ADARB2: variants seen among roughly 807,000 people sequenced by gnomAD.
ADARB2 encodes the protein inactive double-stranded RNA-specific editase B2.
ADARB2 carries 25 observed loss-of-function variants against 62.2 expected under a neutral mutation model. The ratio of observed to expected loss-of-function variants is 0.40; its 90% CI spans 0.29 to 0.56. ADARB2 has a LOEUF of 0.56. Among genes scored for constraint, ADARB2 ranks in the 20% least tolerant of loss-of-function variants. The pLI is 0.43. For missense variants in ADARB2, 1,071 were observed against 1,077.4 expected (o/e 0.99, Z 0.08); for synonymous variants, 572 against 500.8 (o/e 1.14, Z -1.90).
intron 1 of ADARB2, among the ~76,000 whole-genome samples, chr10:1,572,024 TAG>T (rs1832945474): frequency 1.5e-5 from 2 of 133,348 alleles, no homozygotes; most frequent in African/African-American, 3.0e-5. Context: ...GAAAGGTGAG[TAG>T]GCAAGTGAGT....
At chr10:1,531,127 C>T (rs976978954) in intron 1 of ADARB2, among the ~76,000 whole-genome samples, 6 of 152,226 alleles carry the variant, frequency 3.9e-5, no homozygotes, top group African/African-American at 7.2e-5. Context: ...ATGTCCTGCC[C>T]GTGGGCCACC....
chr10:1,211,317 C>CTATA (rs1837148146), intron 7 of ADARB2, among the ~76,000 whole-genome samples: 1 of 152,064 alleles, frequency 6.6e-6, no homozygotes, highest in Non-Finnish European at 1.5e-5. Flanking sequence ...TCATCTTCAT[C>CTATA]TATCTGTCAT....
At chr10:1,600,418 T>G (rs1018785017) in intron 1 of ADARB2, among the ~76,000 whole-genome samples, 8 of 151,950 alleles carry the variant, frequency 5.3e-5, no homozygotes, top group Non-Finnish European at 1.2e-4. Context: ...CCCAACACTT[T>G]GGGAAGCTGA....
At chr10:1,483,738 C>T (rs1831506545) in intron 1 of ADARB2, among the ~76,000 whole-genome samples, 2 of 152,240 alleles carry the variant, frequency 1.3e-5, no homozygotes, top group South Asian at 4.1e-4. Context: ...TTTAAAAAGA[C>T]AGCACCTGCA....
intron 1 of ADARB2, among the ~76,000 whole-genome samples, chr10:1,435,508 T>C (rs1830826055): frequency 6.6e-6 from 1 of 152,190 alleles, no homozygotes; most frequent in South Asian, 2.1e-4. Flanking sequence ...AGGGGGCCTG[T>C]GTTCCTTCTG....
chr10:1,636,357 A>C (rs1354076087), intron 1 of ADARB2, among the ~76,000 whole-genome samples: 1 of 152,146 alleles, frequency 6.6e-6, no homozygotes, highest in Non-Finnish European at 1.5e-5. Context: ...TCTCTATAAA[A>C]AATATAAAAA....
At chr10:1,279,771 T>C (rs1831354087) in intron 3 of ADARB2, among the ~76,000 whole-genome samples, 1 of 152,200 alleles carries the variant, frequency 6.6e-6, no homozygotes, top group Non-Finnish European at 1.5e-5. Context: ...GAAAGGGACG[T>C]CTACTCCATG....
intron 1 of ADARB2, among the ~76,000 whole-genome samples, chr10:1,510,083 CTCTCTCTCTCTCT>C (rs1831904965): frequency 2.1e-5 from 3 of 140,834 alleles, no homozygotes; most frequent in Non-Finnish European, 4.6e-5. Context: ...CTTTCTCTTT[CTCTCTCTCTCTCT>C]TTTCTTTCTT....
chr10:1,379,023 C>T (rs1832458712), intron 2 of ADARB2, 51 bp downstream of exon 2: 1 of 1,525,606 alleles, frequency 6.6e-7, no homozygotes, highest in African/African-American at 1.4e-5. Flanking sequence ...GGGACCCCTG[C>T]ACAAAGGATA....
rs187139619 is a variant in ADARB2 at position 1,605,359 on chromosome 10, G to A, written c.100+131692C>T. Among the ~76,000 whole-genome samples, 3 of 152,292 alleles carry A rather than the reference G, an allele frequency of 2.0e-5. No individual in the cohort carries two copies. In the East Asian group the frequency reaches 5.8e-4, roughly 29 times the overall value. On this transcript the variant is annotated intron_variant, in intron 1 of 9. Coordinates refer to ENST00000381312, the MANE Select transcript of ADARB2 (RefSeq NM_018702.4). ...CTTACTGTGACAATGTCACCTTCCC[G>A]TCTCTCAGAGGCATTGCCCAGGGAG...
At chr10:1,265,475 C>T (rs533200605) in intron 4 of ADARB2, among the ~76,000 whole-genome samples, 6 of 152,254 alleles carry the variant, frequency 3.9e-5, no homozygotes, top group African/African-American at 7.2e-5. Context: ...GAGGGAACAA[C>T]GCTGAACTAC....
At chr10:1,690,811 C>T (rs754741357) in intron 1 of ADARB2, among the ~76,000 whole-genome samples, 48 of 152,210 alleles carry the variant, frequency 3.2e-4, no homozygotes, top group Non-Finnish European at 5.4e-4. Context: ...CACTGTCATT[C>T]GGCTTGGCCG....
intron 1 of ADARB2, among the ~76,000 whole-genome samples, chr10:1,392,591 C>T (rs150147010): frequency 2.0e-4 from 30 of 152,256 alleles, no homozygotes; most frequent in African/African-American, 5.3e-4. Flanking sequence ...GCAAGGAGTT[C>T]GTCTCACAGG....
chr10:1,533,033 C>T (rs931721642), intron 1 of ADARB2, among the ~76,000 whole-genome samples: 8 of 152,142 alleles, frequency 5.3e-5, no homozygotes, highest in Non-Finnish European at 8.8e-5. Flanking sequence ...CCTCCACCCT[C>T]CTCGAAGCAA....
At chr10:1,638,435 C>A (rs1479937045) in intron 1 of ADARB2, among the ~76,000 whole-genome samples, 1 of 151,884 alleles carries the variant, frequency 6.6e-6, no homozygotes, top group Non-Finnish European at 1.5e-5. Flanking sequence ...TAGCTCAAGG[C>A]AAGCTTTCTT....
intron 1 of ADARB2, among the ~76,000 whole-genome samples, chr10:1,471,362 C>T (rs1463909281): frequency 2.6e-5 from 4 of 151,990 alleles, no homozygotes; most frequent in East Asian, 1.9e-4. Flanking sequence ...GGTGGGGGGC[C>T]GGGAGTAAAA....
chr10:1,648,331 A>G (rs1303684440), intron 1 of ADARB2, among the ~76,000 whole-genome samples: 1 of 152,132 alleles, frequency 6.6e-6, no homozygotes, highest in East Asian at 1.9e-4. Context: ...CACGTTCTTT[A>G]CCTTGAAGCT....
At chr10:1,540,337 G>C (rs192938846) in intron 1 of ADARB2, among the ~76,000 whole-genome samples, 2 of 139,468 alleles carry the variant, frequency 1.4e-5, no homozygotes, top group African/African-American at 2.6e-5. Flanking sequence ...CCGAGGGCAC[G>C]TCAGGCAACA....
intron 1 of ADARB2, among the ~76,000 whole-genome samples, chr10:1,651,897 G>C (rs2119073649): frequency 6.6e-6 from 1 of 152,294 alleles, no homozygotes; most frequent in South Asian, 2.1e-4. Flanking sequence ...GCCCAGGAGA[G>C]ACCGCTATCT....
Sources: gnomAD v4.1 joint callset for allele counts (sites outside exome capture counted in the v4.1 genomes callset) on GRCh38, gnomAD v4.1.1 for gene constraint, MANE v1.5 for transcripts, NCBI Gene and HGNC (gene_info 2026-07-23, HGNC 2026-07-21) for gene names.